The following ITPKB variants were observed in gnomAD, a reference collection of about 807,000 sequenced individuals.
ITPKB encodes inositol-trisphosphate 3-kinase B, also known as IP3 3-kinase B.
A neutral mutation model predicts 69.4 loss-of-function variants in ITPKB; 13 were observed. The ratio of observed to expected loss-of-function variants is 0.19; its 90% CI spans 0.12 to 0.30. ITPKB has a LOEUF of 0.30. Among genes scored for constraint, ITPKB ranks in the 10% least tolerant of loss-of-function variants. The pLI is 1.00. For synonymous variants in ITPKB, 584 were observed against 513.7 expected (o/e 1.14, Z -1.85); for missense variants, 1,240 against 1,250.5 (o/e 0.99, Z 0.13).
In ITPKB at chr1:226,737,636, G is replaced by T; in HGVS notation, c.-178C>A. 1 of 1,109,314 alleles carries T rather than the reference G, an allele frequency of 9.0e-7. No individual in the cohort carries two copies. The highest frequency in any genetic ancestry group is 1.1e-6 in the Non-Finnish European group (1 of 908,796). 68.7% of individuals were successfully genotyped at this position (1,109,314 alleles called of 1,614,324 possible). On this transcript the variant is annotated 5_prime_UTR_variant, in exon 2 of 8. Transcript: ENST00000429204. ...GGGCACGACCGCGGGCTCAGCCCCCGCCCAAAGCTCCATAAACAACCGTGC... is the reference window on the plus strand; with the variant it reads ...GGGCACGACCGCGGGCTCAGCCCCCTCCCAAAGCTCCATAAACAACCGTGC...
intron 2 of ITPKB, among the ~76,000 whole-genome samples, chr1:226,650,901 G>A (rs908774209): frequency 1.3e-5 from 2 of 152,186 alleles, no homozygotes; most frequent in African/African-American, 4.8e-5. Context: ...ACACTCTAGG[G>A]CCCTGGAAAG....
chr1:226,708,925 C>T (rs567970086), intron 2 of ITPKB, among the ~76,000 whole-genome samples: 138 of 152,296 alleles, frequency 9.1e-4, no homozygotes, highest in African/African-American at 3.2e-3. Flanking sequence ...CTGCCAGGCC[C>T]CTCACTGTAT....
At chr1:226,708,365 CCTAA>C (rs1386252271) in intron 2 of ITPKB, among the ~76,000 whole-genome samples, 7 of 152,182 alleles carry the variant, frequency 4.6e-5, no homozygotes, top group African/African-American at 1.7e-4. Context: ...GCTCAAGGGA[CCTAA>C]CTGAGACCCA....
intron 2 of ITPKB, among the ~76,000 whole-genome samples, chr1:226,662,227 A>G (rs2102758193): frequency 6.6e-6 from 1 of 152,356 alleles, no homozygotes; most frequent in African/African-American, 2.4e-5. Flanking sequence ...GGTGGCCACA[A>G]GTGGAAACAG....
At chr1:226,652,855 A>G (rs1235163381) in intron 2 of ITPKB, among the ~76,000 whole-genome samples, 1 of 152,226 alleles carries the variant, frequency 6.6e-6, no homozygotes. Context: ...GCAGGTGGCC[A>G]GCTCTGCTGT....
chr1:226,665,358 G>A (rs923889380), intron 2 of ITPKB, among the ~76,000 whole-genome samples: 5 of 152,200 alleles, frequency 3.3e-5, no homozygotes, highest in Non-Finnish European at 7.3e-5. Context: ...ATGTCAACGC[G>A]GGCAAGTCAC....
intron 2 of ITPKB, among the ~76,000 whole-genome samples, chr1:226,702,399 G>GA (rs397714660): frequency 0.015 from 2,075 of 136,772 alleles, 45 homozygotes; most frequent in African/African-American, 0.049. Flanking sequence ...CTCCCTCTCG[G>GA]AAAAAAAAAA....
chr1:226,702,024 G>A (rs1656680330), intron 2 of ITPKB, among the ~76,000 whole-genome samples: 1 of 152,156 alleles, frequency 6.6e-6, no homozygotes, highest in Admixed American at 6.5e-5. Context: ...CCTAAGACCA[G>A]AGAAAATGCC....
intron 2 of ITPKB, among the ~76,000 whole-genome samples, chr1:226,717,805 G>T (rs1315259676): frequency 6.6e-6 from 1 of 152,180 alleles, no homozygotes; most frequent in African/African-American, 2.4e-5. Flanking sequence ...CTGGGAGCAG[G>T]AAGCGACCTC....
At position 226,690,952 on chromosome 1, in the gene ITPKB, A is replaced by G. The variant is rs115640309; in HGVS notation, c.1933-42181T>C. ...CCTTGAGCACATTATGCTCCATGAAATAAGCCAGACACAAAAGGACAAACG... is the reference window on the plus strand; with the variant it reads ...CCTTGAGCACATTATGCTCCATGAAGTAAGCCAGACACAAAAGGACAAACG... On this transcript the variant is annotated intron_variant, in intron 2 of 7. Coordinates refer to ENST00000429204, the MANE Select transcript of ITPKB (RefSeq NM_002221.4). Among the ~76,000 whole-genome samples the G allele has an allele frequency of 3.8e-3, 572 of 152,348 alleles. 4 individuals are homozygous for G. The highest frequency in any genetic ancestry group is 0.013 in the African/African-American group (554 of 41,580).
intron 2 of ITPKB, among the ~76,000 whole-genome samples, chr1:226,726,634 C>G (rs1171896415): frequency 6.6e-6 from 1 of 152,032 alleles, no homozygotes; most frequent in Non-Finnish European, 1.5e-5. Flanking sequence ...TGTGATCACA[C>G]AACTGCACTC....
intron 2 of ITPKB, among the ~76,000 whole-genome samples, chr1:226,689,808 C>A (rs987589997): frequency 6.6e-6 from 1 of 152,120 alleles, no homozygotes; most frequent in African/African-American, 2.4e-5. Context: ...ATCTGTTGTT[C>A]CCCTCTATGT....
chr1:226,711,405 A>AAGAGAGAGAGAGAGAGAG (rs59479705), intron 2 of ITPKB, among the ~76,000 whole-genome samples: 2 of 129,880 alleles, frequency 1.5e-5, no homozygotes, highest in African/African-American at 5.8e-5. Flanking sequence ...GGTGTTTTGA[A>AAGAGAGAGAGAGAGAGAG]AGAGAGAGAG....
At chr1:226,689,262 T>C (rs768974061) in intron 2 of ITPKB, among the ~76,000 whole-genome samples, 2 of 152,216 alleles carry the variant, frequency 1.3e-5, no homozygotes, top group Non-Finnish European at 2.9e-5. Flanking sequence ...AAATAAATAA[T>C]ATTCTCTTCA....
At chr1:226,696,778 C>A (rs577673768) in intron 2 of ITPKB, among the ~76,000 whole-genome samples, 1 of 152,292 alleles carries the variant, frequency 6.6e-6, no homozygotes, top group African/African-American at 2.4e-5. Flanking sequence ...TTACTAAGGC[C>A]TGAGAATCTC....
intron 2 of ITPKB, among the ~76,000 whole-genome samples, chr1:226,690,982 A>G (rs1188087308): frequency 6.6e-6 from 1 of 152,244 alleles, no homozygotes; most frequent in Non-Finnish European, 1.5e-5. Flanking sequence ...CAAACGCTGT[A>G]TGACTCCACT....
intron 2 of ITPKB, among the ~76,000 whole-genome samples, chr1:226,722,556 C>A (rs1219632460): frequency 2.0e-5 from 3 of 152,142 alleles, no homozygotes; most frequent in Admixed American, 1.3e-4. Flanking sequence ...ACCCTGAGAT[C>A]GAAACTAATT....
At chr1:226,656,626 A>G (rs1669294681) in intron 2 of ITPKB, 1 of 152,258 alleles carries the variant, frequency 6.6e-6, no homozygotes, top group African/African-American at 2.4e-5. Context: ...GGCTGAAGCA[A>G]CATACATACT....
chr1:226,673,542 C>A (rs569278526), intron 2 of ITPKB, among the ~76,000 whole-genome samples: 178 of 152,278 alleles, frequency 1.2e-3, no homozygotes, highest in African/African-American at 4.0e-3. Flanking sequence ...CAAATCCCAA[C>A]CTGCAGCCAA....
Sources: allele counts gnomAD v4.1 joint callset (sites outside exome capture counted in the v4.1 genomes callset), GRCh38; gene constraint gnomAD v4.1.1; transcripts MANE v1.5; gene names NCBI Gene and HGNC (gene_info 2026-07-23, HGNC 2026-07-21).